IGSF10: variants seen among roughly 807,000 people sequenced by gnomAD.
IGSF10 encodes calvaria mechanical force protein 608.
Under a neutral mutation model 128.2 loss-of-function variants are expected in IGSF10, and 126 were observed. The observed-to-expected ratio is 0.98, with a 90% confidence interval of 0.85 to 1.14. IGSF10 has a LOEUF of 1.14. IGSF10 is among the 50% of genes most tolerant of loss of function. IGSF10 has a pLI of 0.00. For missense variants in IGSF10, 3,295 were observed against 3,149.8 expected (o/e 1.05, Z -1.10); for synonymous variants, 1,185 against 1,146.2 (o/e 1.03, Z -0.68).
the IGSF10 span, among the ~76,000 whole-genome samples, chr3:151,571,896 T>C: frequency 1.3e-5 from 2 of 152,258 alleles, no homozygotes; most frequent in Admixed American, 6.5e-5. Context: ...ATATGTTCCA[T>C]CAATACCTAA....
At chr3:151,449,530 T>C (rs545988705) in intron 5 of IGSF10, among the ~76,000 whole-genome samples, 3 of 152,356 alleles carry the variant, frequency 2.0e-5, no homozygotes, top group South Asian at 2.1e-4. Context: ...GCCTGATATA[T>C]ATTTGGTACC....
chr3:151,485,248 A>AAAAAAAAAG, the IGSF10 span, among the ~76,000 whole-genome samples: 1 of 151,772 alleles, frequency 6.6e-6, no homozygotes, highest in South Asian at 2.1e-4. Flanking sequence ...GACATGATTA[A>AAAAAAAAAG]AAAAAAAAGA....
chr3:151,451,605 G>A lies in IGSF10; in HGVS notation c.715+1779C>T, dbSNP rs567478368. Reference sequence around the variant, plus strand: ...AATTAAGATGTGCCTTACAATTGAGGATGTTTTACAGTAACAACTGACAAA... The same window carrying A: ...AATTAAGATGTGCCTTACAATTGAGAATGTTTTACAGTAACAACTGACAAA... On this transcript the variant is annotated intron_variant, in intron 5 of 7. Coordinates refer to ENST00000282466, the MANE Select transcript of IGSF10 (RefSeq NM_178822.5). 1.2e-4 allele frequency among the ~76,000 whole-genome samples: 19 copies of A among 152,236 alleles called. No homozygotes were observed. In the South Asian group the frequency reaches 3.7e-3, roughly 30 times the overall value.
chr3:151,611,809 GT>G, the IGSF10 span, among the ~76,000 whole-genome samples: 1 of 152,014 alleles, frequency 6.6e-6, no homozygotes. Context: ...CTTTCCTTCC[GT>G]TTTCAAGAAT....
the IGSF10 span, among the ~76,000 whole-genome samples, chr3:151,489,646 A>G: frequency 6.6e-6 from 1 of 152,186 alleles, no homozygotes; most frequent in Non-Finnish European, 1.5e-5. Context: ...CAGCCATAAA[A>G]AAGGGTGAGT....
chr3:151,525,732 C>T, the IGSF10 span, among the ~76,000 whole-genome samples: 1 of 152,144 alleles, frequency 6.6e-6, no homozygotes, highest in Non-Finnish European at 1.5e-5. Context: ...ATACCCTTAC[C>T]CTTTGAATCC....
chr3:151,616,987 G>A, the IGSF10 span, among the ~76,000 whole-genome samples: 4 of 152,206 alleles, frequency 2.6e-5, no homozygotes, highest in African/African-American at 9.6e-5. Flanking sequence ...AAGGCTGCCT[G>A]AAGCCTTTAG....
chr3:151,555,537 G>T, the IGSF10 span, among the ~76,000 whole-genome samples: 3 of 152,116 alleles, frequency 2.0e-5, no homozygotes, highest in African/African-American at 7.2e-5. Flanking sequence ...GTGGTCCATG[G>T]TATACCTCTG....
chr3:151,614,048 C>T, the IGSF10 span, among the ~76,000 whole-genome samples: 3 of 152,148 alleles, frequency 2.0e-5, no homozygotes, highest in Admixed American at 6.5e-5. Flanking sequence ...GACATTTATG[C>T]AGGCAAAAAA....
At chr3:151,532,585 T>C in the IGSF10 span, among the ~76,000 whole-genome samples, 4 of 152,156 alleles carry the variant, frequency 2.6e-5, no homozygotes, top group Non-Finnish European at 5.9e-5. Context: ...ACCACATGAT[T>C]ATCTCAATAG....
chr3:151,466,703 C>A, the IGSF10 span, among the ~76,000 whole-genome samples: 1 of 152,134 alleles, frequency 6.6e-6, no homozygotes, highest in Admixed American at 6.5e-5. Flanking sequence ...CTTCGCCTCC[C>A]GAGTAGCTGG....
chr3:151,509,771 C>T, the IGSF10 span, among the ~76,000 whole-genome samples: 1 of 152,198 alleles, frequency 6.6e-6, no homozygotes, highest in African/African-American at 2.4e-5. Flanking sequence ...TGGGTCACTC[C>T]CACCCTAATA....
chr3:151,578,535 T>A, the IGSF10 span, among the ~76,000 whole-genome samples: 1 of 152,210 alleles, frequency 6.6e-6, no homozygotes, highest in Non-Finnish European at 1.5e-5. Context: ...CAGGCTCTTC[T>A]CTATGGACCT....
chr3:151,444,989 T>C lies in IGSF10; in HGVS notation c.4992A>G (p.Ser1664=). ...KAASFTIPAN[S]DAFLPCEAVG... ...CAGCTTCACAGGGAAGAAAGGCATCTGAGTTAGCTGGAATAGTAAAACTTG... is the reference window on the plus strand; with the variant it reads ...CAGCTTCACAGGGAAGAAAGGCATCCGAGTTAGCTGGAATAGTAAAACTTG... The change falls in exon 6 of 8, where the codon TCA becomes TCG. Residue 1664 remains serine (S), a synonymous_variant. Transcript: ENST00000282466. The C allele has an allele frequency of 6.2e-7, 1 of 1,614,150 alleles. No homozygotes were observed. The highest frequency in any genetic ancestry group is 8.5e-7 in the Non-Finnish European group (1 of 1,179,984).
chr3:151,457,915 C>T lies in IGSF10; in HGVS notation c.194+601G>A, dbSNP rs537290810. ...CCTAGAAGTGAATAGTATATCTTAC[C>T]ATTGTATCCCCAGTGCATAGTACAT... is the stretch of plus-strand genomic sequence containing the variant. On this transcript the variant is annotated intron_variant, in intron 3 of 7. Coordinates refer to ENST00000282466, the MANE Select transcript of IGSF10 (RefSeq NM_178822.5). Among the ~76,000 whole-genome samples the T allele has an allele frequency of 6.6e-5, 10 of 152,208 alleles. No individual in the cohort carries two copies. The South Asian group carries it at 2.1e-3, about 32-fold the overall frequency.
chr3:151,432,693 A>C (rs1416911322), downstream of IGSF10: 2 of 1,249,674 alleles, frequency 1.6e-6, no homozygotes, highest in East Asian at 4.7e-5. Flanking sequence ...AGAGGGTAGC[A>C]TCCATCTGTG....
the IGSF10 span, among the ~76,000 whole-genome samples, chr3:151,538,270 G>T: frequency 2.0e-5 from 3 of 152,074 alleles, no homozygotes; most frequent in African/African-American, 7.2e-5. Context: ...GCCCATAGAA[G>T]TTCATTATTG....
Position 151,443,489 on chromosome 3 carries a change from A to ATTTAT in IGSF10, c.5457_5458insATAAA (p.Cys1820IlefsTer28), listed in dbSNP as rs745623197. 7.8e-5 allele frequency: 126 copies of ATTTAT among 1,614,100 alleles called. No homozygotes were observed. The highest frequency in any genetic ancestry group is 1.0e-4 in the Non-Finnish European group (119 of 1,180,050). On this transcript the variant is annotated frameshift_variant, in exon 7 of 8. Transcript: ENST00000282466. LOFTEE classifies it high-confidence loss of function. ...TGGCCACCTGGGTTGCTGGCCACAC[A>ATTTAT]TTTGTAAAAGCCACGGTCATAAATA...
the IGSF10 span, among the ~76,000 whole-genome samples, chr3:151,502,178 T>A: frequency 1.3e-5 from 2 of 152,128 alleles, no homozygotes; most frequent in South Asian, 4.1e-4. Context: ...GCTTTTCTTA[T>A]CTGCAAAGTG....
Sources: allele counts gnomAD v4.1 joint callset (sites outside exome capture counted in the v4.1 genomes callset), GRCh38; gene constraint gnomAD v4.1.1; transcripts MANE v1.5; gene names NCBI Gene and HGNC (gene_info 2026-07-23, HGNC 2026-07-21).